The following OLA1 variants were observed in gnomAD, a reference collection of about 807,000 sequenced individuals.
OLA1 encodes the protein obg-like ATPase 1.
OLA1 carries 14 observed loss-of-function variants against 48.4 expected under a neutral mutation model. The observed-to-expected ratio is 0.29, with a 90% CI of 0.19 to 0.45. The LOEUF is 0.45. OLA1 is among the 20% of genes least tolerant of loss of function. The pLI is 1.00. For missense variants in OLA1, 325 were observed against 467.1 expected, an observed-to-expected ratio of 0.70 and a Z score of 2.80; for synonymous variants, 127 against 150.4, an observed-to-expected ratio of 0.84 and a Z score of 1.14.
intron 5 of OLA1, among the ~76,000 whole-genome samples, chr2:174,127,008 C>T (rs1430089816): frequency 6.6e-6 from 1 of 152,198 alleles, no homozygotes; most frequent in Non-Finnish European, 1.5e-5. Context: ...TGCAAAGAAA[C>T]TTAACCCAAA....
At chr2:174,097,702 G>A (rs1685289035) in intron 7 of OLA1, among the ~76,000 whole-genome samples, 2 of 151,600 alleles carry the variant, frequency 1.3e-5, no homozygotes, top group Admixed American at 6.6e-5. Context: ...TCCAGCCTGG[G>A]CGACAGAGTG....
chr2:174,201,691 T>C (rs1206525253), intron 4 of OLA1, among the ~76,000 whole-genome samples: 2 of 152,186 alleles, frequency 1.3e-5, no homozygotes, highest in South Asian at 2.1e-4. Flanking sequence ...AGAGAGTTAA[T>C]AGATGTAATA....
At chr2:174,110,694 G>A (rs1270965747) in intron 7 of OLA1, among the ~76,000 whole-genome samples, 2 of 152,064 alleles carry the variant, frequency 1.3e-5, no homozygotes, top group Admixed American at 6.5e-5. Flanking sequence ...TGATCTTCCC[G>A]CCTCAGCCTC....
chr2:174,149,794 T>G (rs1686702530), intron 4 of OLA1, among the ~76,000 whole-genome samples: 1 of 152,200 alleles, frequency 6.6e-6, no homozygotes, highest in Non-Finnish European at 1.5e-5. Context: ...ACTCAAGGCC[T>G]GTTCTTACTC....
chr2:174,211,697 A>C (rs1688247546), intron 4 of OLA1, among the ~76,000 whole-genome samples: 1 of 152,210 alleles, frequency 6.6e-6, no homozygotes, highest in Non-Finnish European at 1.5e-5. Flanking sequence ...CAATAGTATA[A>C]TGTATCTTTT....
intron 3 of OLA1, among the ~76,000 whole-genome samples, chr2:174,224,772 A>T (rs1559014199): frequency 6.6e-6 from 1 of 152,184 alleles, no homozygotes; most frequent in Non-Finnish European, 1.5e-5. Context: ...TCCTGTGACC[A>T]CAAGGGGAAG....
chr2:174,219,076 T>A (rs973552242), intron 4 of OLA1, among the ~76,000 whole-genome samples: 27 of 150,666 alleles, frequency 1.8e-4, no homozygotes, highest in African/African-American at 6.6e-4. Flanking sequence ...TCTGCGTAGG[T>A]CTCCCAAAGT....
chr2:174,193,323 C>T (rs184735597), intron 4 of OLA1, among the ~76,000 whole-genome samples: 36 of 152,254 alleles, frequency 2.4e-4, no homozygotes, highest in African/African-American at 8.4e-4. Context: ...CTCCTGACCT[C>T]AGGTGATCCA....
intron 7 of OLA1, among the ~76,000 whole-genome samples, chr2:174,094,489 G>T (rs534093790): frequency 2.6e-5 from 4 of 152,066 alleles, no homozygotes; most frequent in African/African-American, 4.8e-5. Flanking sequence ...TCCTGAAAAA[G>T]AACAAAGTCG....
chr2:174,134,941 C>G (rs572271173), intron 5 of OLA1, among the ~76,000 whole-genome samples: 2 of 151,954 alleles, frequency 1.3e-5, no homozygotes, highest in Non-Finnish European at 2.9e-5. Context: ...GCCGGCGGAT[C>G]ACAAGGTCAG....
chr2:174,208,829 T>C (rs1160068991), intron 4 of OLA1, among the ~76,000 whole-genome samples: 1 of 152,200 alleles, frequency 6.6e-6, no homozygotes, highest in East Asian at 1.9e-4. Flanking sequence ...CTCAGAACTT[T>C]GGCAGAAAGG....
At chr2:174,153,580 T>A (rs10193243) in intron 4 of OLA1, among the ~76,000 whole-genome samples, 80,564 of 151,782 alleles carry the variant, frequency 0.53, 21,952 homozygotes, top group East Asian at 0.94. Context: ...GCCTGGTATT[T>A]TACTTGTACT....
chr2:174,124,402 A>C (rs1245412976), intron 5 of OLA1: 1 of 152,210 alleles, frequency 6.6e-6, no homozygotes, highest in Admixed American at 6.5e-5. Context: ...GGAAGAGCCC[A>C]ATGTGCTTTG....
At chr2:174,182,497 A>G (rs1228731541) in intron 4 of OLA1, among the ~76,000 whole-genome samples, 1 of 152,230 alleles carries the variant, frequency 6.6e-6, no homozygotes, top group Non-Finnish European at 1.5e-5. Flanking sequence ...TTGCAACTCC[A>G]GCCTGGGCAA....
chr2:174,216,131 C>CA (rs113610183), intron 4 of OLA1, among the ~76,000 whole-genome samples: 16,880 of 150,104 alleles, frequency 0.11, 1,392 homozygotes, highest in African/African-American at 0.23. Flanking sequence ...CCTGTATCTA[C>CA]AAAAAAAAAC....
In OLA1 at chr2:174,241,906, G is replaced by A. The variant is rs1337785338; in HGVS notation, c.101+4809C>T. On this transcript the variant is annotated intron_variant, in intron 2 of 10. Coordinates refer to ENST00000284719, the MANE Select transcript of OLA1 (RefSeq NM_013341.5). ...TTGCCTCAGCCTCCCAAAGTGCTGG[G>A]ATTACAGGCGTGAGCCTCTGCACCC... Among the ~76,000 whole-genome samples, 8 of 152,382 alleles carry A rather than the reference G, an allele frequency of 5.2e-5. No individual in the cohort carries two copies. The South Asian group carries it at 1.7e-3, about 32-fold the overall frequency.
chr2:174,230,994 T>C (rs1179031040), intron 2 of OLA1, among the ~76,000 whole-genome samples: 2 of 152,202 alleles, frequency 1.3e-5, no homozygotes, highest in African/African-American at 4.8e-5. Flanking sequence ...CCAGACTTTA[T>C]ACACATAGAA....
chr2:174,142,075 C>A, intron 4 of OLA1, 75 bp from the exon 5 acceptor site: 2 of 1,269,138 alleles, frequency 1.6e-6, no homozygotes, highest in South Asian at 1.3e-5. Flanking sequence ...TGAAAGATTC[C>A]TAGAAGGTTA....
At chr2:174,110,793 GCTGGTCTCGAAATC>G (rs1463433558) in intron 7 of OLA1, among the ~76,000 whole-genome samples, 2 of 152,086 alleles carry the variant, frequency 1.3e-5, no homozygotes, top group African/African-American at 2.4e-5. Flanking sequence ...TATTGCTTAG[GCTGGTCTCGAAATC>G]CTGGCCTCAA....
Sources: allele counts gnomAD v4.1 joint callset (sites outside exome capture counted in the v4.1 genomes callset), GRCh38; gene constraint gnomAD v4.1.1; transcripts MANE v1.5; gene names NCBI Gene and HGNC (gene_info 2026-07-23, HGNC 2026-07-21).